Variants in SEC23A observed in about 807,000 individuals in gnomAD.
SEC23A encodes SEC23 homolog A, COPII component.
SEC23A carries 56 observed loss-of-function variants against 103.7 expected under a neutral mutation model. The observed-to-expected ratio is 0.54, with a 90% CI of 0.44 to 0.67. The LOEUF (loss-of-function observed/expected upper bound fraction) is 0.67. Among genes scored for constraint, SEC23A ranks in the 30% least tolerant of loss-of-function variants. The pLI is 0.00. For synonymous variants in SEC23A, 281 were observed against 293.0 expected (o/e 0.96, Z 0.42); for missense variants, 784 against 936.4 (o/e 0.84, Z 2.12).
rs1421920689 is a variant in SEC23A at position 39,039,025 on chromosome 14, A to T, written c.2208+6T>A. 9 of 1,609,484 alleles carry T rather than the reference A, an allele frequency of 5.6e-6. No homozygotes were observed. Among genetic ancestry groups the T allele is most frequent in the Admixed American group, 1.7e-5 (1 of 60,008 alleles). On this transcript the variant is annotated splice_donor_region_variant and intron_variant, in intron 19 of 19. Coordinates refer to ENST00000307712, the MANE Select transcript of SEC23A (RefSeq NM_006364.4). ...ATAATTTCCAAGACCTGCTATTTAA[A>T]CTTACCTGCCCCCAGGCATACATAT...
intron 1 of SEC23A, among the ~76,000 whole-genome samples, chr14:39,101,388 G>GGA (rs1888087195): frequency 6.6e-6 from 1 of 151,904 alleles, no homozygotes; most frequent in Non-Finnish European, 1.5e-5. Context: ...TGGAGGCCGA[G>GGA]GAGGGTGGAT....
intron 11 of SEC23A, among the ~76,000 whole-genome samples, chr14:39,063,864 C>T (rs1233632275): frequency 1.3e-5 from 2 of 151,790 alleles, no homozygotes; most frequent in African/African-American, 2.4e-5. Context: ...GGCATGCTGG[C>T]GGACGCCTGT....
chr14:39,057,063 C>T (rs190518007), intron 13 of SEC23A, among the ~76,000 whole-genome samples: 88 of 152,140 alleles, frequency 5.8e-4, no homozygotes, highest in African/African-American at 2.0e-3. Context: ...CCTGTAATCA[C>T]AACACTTTGG....
At chr14:39,085,689 T>TACACACACACACACACACACACACAC (rs59136053) in intron 7 of SEC23A, 73 bp downstream of exon 7, 1 of 1,114,032 alleles carries the variant, frequency 9.0e-7, no homozygotes, top group African/African-American at 1.8e-5. Flanking sequence ...TAATTATATA[T>TACACACACACACACACACACACACAC]ACACACACAC....
At chr14:39,102,511 G>A (rs1036814128) in intron 1 of SEC23A, among the ~76,000 whole-genome samples, 1 of 152,204 alleles carries the variant, frequency 6.6e-6, no homozygotes, top group Non-Finnish European at 1.5e-5. Context: ...ACCGTAGAAA[G>A]AAAGCCCAGT....
chr14:39,074,388 A>G, intron 9 of SEC23A, 27 bp downstream of exon 9: 1 of 1,422,840 alleles, frequency 7.0e-7, no homozygotes, highest in Admixed American at 1.7e-5. Context: ...TTATAATTAC[A>G]AAAACTGTAA....
chr14:39,065,736 C>T (rs772341481), intron 10 of SEC23A, among the ~76,000 whole-genome samples: 2 of 152,102 alleles, frequency 1.3e-5, no homozygotes, highest in Non-Finnish European at 1.5e-5. Context: ...CGGTAGCTCA[C>T]GCCTGTAATC....
intron 9 of SEC23A, among the ~76,000 whole-genome samples, chr14:39,074,025 T>A (rs1886928547): frequency 6.6e-6 from 1 of 152,156 alleles, no homozygotes; most frequent in Non-Finnish European, 1.5e-5. Context: ...GGAACATAGT[T>A]TCTAGGGTAA....
chr14:39,059,300 A>AAAAAAAAAAAAAAAAAAAAAAC (rs1886382869), intron 13 of SEC23A, among the ~76,000 whole-genome samples: 1 of 100,818 alleles, frequency 9.9e-6, no homozygotes, highest in Non-Finnish European at 2.1e-5. Context: ...AAAAAAAAAA[A>AAAAAAAAAAAAAAAAAAAAAAC]AAAAAAAAAA....
intron 7 of SEC23A, among the ~76,000 whole-genome samples, chr14:39,076,394 G>A (rs1887022277): frequency 6.6e-6 from 1 of 151,276 alleles, no homozygotes; most frequent in Non-Finnish European, 1.5e-5. Context: ...AAAAGTGGAA[G>A]AGTGAACATC....
At chr14:39,081,706 C>A (rs1887231164) in intron 7 of SEC23A, among the ~76,000 whole-genome samples, 1 of 151,980 alleles carries the variant, frequency 6.6e-6, no homozygotes, top group Non-Finnish European at 1.5e-5. Flanking sequence ...ATAGAATAAA[C>A]CCTGTGGTAC....
At chr14:39,081,112 G>C (rs1048809341) in intron 7 of SEC23A, among the ~76,000 whole-genome samples, 2 of 152,024 alleles carry the variant, frequency 1.3e-5, no homozygotes, top group Non-Finnish European at 2.9e-5. Flanking sequence ...GTCTGAGGCT[G>C]GAGGACTGCT....
intron 14 of SEC23A, among the ~76,000 whole-genome samples, chr14:39,050,683 T>C (rs1348274645): frequency 6.6e-6 from 1 of 152,194 alleles, no homozygotes; most frequent in South Asian, 2.1e-4. Context: ...CCGGGAGCAG[T>C]GGCACAGGCC....
chr14:39,058,438 G>A (rs994934109), intron 13 of SEC23A, among the ~76,000 whole-genome samples: 1 of 152,144 alleles, frequency 6.6e-6, no homozygotes, highest in African/African-American at 2.4e-5. Flanking sequence ...CTCCCAAATA[G>A]CTGGGACTAC....
chr14:39,095,047 C>T (rs1022975302), intron 2 of SEC23A: 19 of 694,394 alleles, frequency 2.7e-5, no homozygotes, highest in Non-Finnish European at 4.4e-5. Context: ...ACAGGGAGAG[C>T]AGGTAGGAGG....
intron 14 of SEC23A, 52 bp from the exon 15 acceptor site, chr14:39,048,781 A>T (rs1885938144): frequency 1.1e-6 from 1 of 933,420 alleles, no homozygotes; most frequent in Non-Finnish European, 1.7e-6. Context: ...AAAAGCTAAC[A>T]CTGTTGCCTA....
At chr14:39,095,105 A>G (rs942594740) in intron 2 of SEC23A, 5 of 651,814 alleles carry the variant, frequency 7.7e-6, no homozygotes, top group South Asian at 1.7e-5. Context: ...GAAGCAGGGT[A>G]TACTACCAGA....
chr14:39,100,688 C>T (rs960660039), intron 1 of SEC23A, among the ~76,000 whole-genome samples: 1 of 152,068 alleles, frequency 6.6e-6, no homozygotes, highest in African/African-American at 2.4e-5. Context: ...GCTGGGATTA[C>T]AGGTGTGAGC....
At chr14:39,101,316 CTTT>C (rs1340490232) in intron 1 of SEC23A, among the ~76,000 whole-genome samples, 2 of 152,014 alleles carry the variant, frequency 1.3e-5, no homozygotes, top group Admixed American at 6.6e-5. Context: ...GTGCCCAAGT[CTTT>C]TAAAAGTAAG....
Sources: gnomAD v4.1 joint callset for allele counts (sites outside exome capture counted in the v4.1 genomes callset) on GRCh38, gnomAD v4.1.1 for gene constraint, MANE v1.5 for transcripts, NCBI Gene and HGNC (gene_info 2026-07-23, HGNC 2026-07-21) for gene names.